The following GPC5 variants were observed in gnomAD, a reference collection of about 807,000 sequenced individuals.
GPC5 encodes glypican-5.
A neutral mutation model predicts 53.9 loss-of-function variants in GPC5; 47 were observed. That is an observed-to-expected ratio of 0.87 (90% CI 0.69 to 1.11). GPC5 has a LOEUF of 1.11. GPC5 is among the 50% of genes most tolerant of loss of function. GPC5 has a pLI of 0.00. For synonymous variants in GPC5, 286 were observed against 263.3 expected, an observed-to-expected ratio of 1.09 and a Z score of -0.84; for missense variants, 748 against 713.1, an observed-to-expected ratio of 1.05 and a Z score of -0.56.
rs111424112 is a variant in GPC5 at position 91,944,350 on chromosome 13, C to T, written c.1401+36293C>T. 2.9e-3 allele frequency among the ~76,000 whole-genome samples: 440 copies of T among 152,258 alleles called. 4 individuals carry two copies. The highest frequency in any genetic ancestry group is 0.01 in the African/African-American group (422 of 41,560). ...TGACCTCGCGATCCGCCCGCTTCAG[C>T]CTCCCAAAGTTCTGGGATTACAGGC... On this transcript the variant is annotated intron_variant, in intron 6 of 7. Transcript: ENST00000377067.
chr13:92,640,841 G>T (rs1885571927), intron 7 of GPC5, among the ~76,000 whole-genome samples: 1 of 152,082 alleles, frequency 6.6e-6, no homozygotes, highest in Non-Finnish European at 1.5e-5. Flanking sequence ...ATGATTAAAT[G>T]AAGTAGGAAA....
intron 7 of GPC5, among the ~76,000 whole-genome samples, chr13:92,633,628 T>C (rs1446385932): frequency 6.6e-6 from 1 of 152,108 alleles, no homozygotes; most frequent in African/African-American, 2.4e-5. Flanking sequence ...GTTTTTGTTA[T>C]AATACTTTTC....
chr13:91,811,896 G>A (rs1285602271), intron 5 of GPC5, among the ~76,000 whole-genome samples: 3 of 152,150 alleles, frequency 2.0e-5, no homozygotes, highest in African/African-American at 4.8e-5. Flanking sequence ...ACATCACAGC[G>A]AAGATCTAAA....
At chr13:92,210,769 G>A (rs1461349171) in intron 7 of GPC5, among the ~76,000 whole-genome samples, 1 of 152,154 alleles carries the variant, frequency 6.6e-6, no homozygotes, top group African/African-American at 2.4e-5. Context: ...CTAGAAATAA[G>A]CTTTTATTAT....
chr13:91,655,679 G>A (rs530328817), intron 2 of GPC5, among the ~76,000 whole-genome samples: 270 of 152,072 alleles, frequency 1.8e-3, no homozygotes, highest in Non-Finnish European at 3.5e-3. Context: ...ACACAATATC[G>A]ATAAGAATAT....
chr13:92,656,874 TGAGCCCAA>T (rs1470853366), intron 7 of GPC5, among the ~76,000 whole-genome samples: 5 of 152,206 alleles, frequency 3.3e-5, no homozygotes. Context: ...GAGGATGGCT[TGAGCCCAA>T]GTGTTCAACG....
intron 7 of GPC5, among the ~76,000 whole-genome samples, chr13:92,786,537 G>A (rs1018647439): frequency 6.6e-6 from 1 of 151,968 alleles, no homozygotes; most frequent in South Asian, 2.1e-4. Flanking sequence ...GGGATTTAAT[G>A]GTTAAAAATA....
rs201758453 is a variant in GPC5 at position 91,712,388 on chromosome 13, ATG to A, written c.1021-16130_1021-16129del. Among the ~76,000 whole-genome samples the A allele has an allele frequency of 3.3e-3, 493 of 150,610 alleles. 2 individuals are homozygous for A. Among genetic ancestry groups the A allele is most frequent in the African/African-American group, 0.011 (451 of 40,600 alleles). ...TGTGTATATATATGTGTGTATATAT[ATG>A]TGTGTGTGTGTGTATATATATATAA... is the stretch of plus-strand genomic sequence containing the variant. On this transcript the variant is annotated intron_variant, in intron 3 of 7. Transcript: ENST00000377067.
At chr13:92,494,469 C>T (rs1879894361) in intron 7 of GPC5, among the ~76,000 whole-genome samples, 1 of 152,130 alleles carries the variant, frequency 6.6e-6, no homozygotes, top group South Asian at 2.1e-4. Flanking sequence ...AATCATAAAA[C>T]GTGCTTTGCT....
Position 92,721,326 on chromosome 13 carries a change from G to A in GPC5, c.1562-144956G>A, listed in dbSNP as rs545619253. Among the ~76,000 whole-genome samples the A allele has an allele frequency of 9.9e-5, 15 of 152,126 alleles. 3 individuals carry two copies. Among genetic ancestry groups the A allele is most frequent in the African/African-American group, 3.6e-4 (15 of 41,534 alleles). On this transcript the variant is annotated intron_variant, in intron 7 of 7. Transcript: ENST00000377067. ...ATAATGTAAGACAATGAGGAAAAAG[G>A]TAATGTCTATTTCTAGGATTAAGGG...
intron 5 of GPC5, among the ~76,000 whole-genome samples, chr13:91,831,797 A>T (rs1372588187): frequency 6.6e-6 from 1 of 151,990 alleles, no homozygotes; most frequent in African/African-American, 2.4e-5. Context: ...CCTGAGTTCT[A>T]ATTTGATTGC....
intron 7 of GPC5, among the ~76,000 whole-genome samples, chr13:92,385,999 G>A (rs895449369): frequency 4.0e-5 from 6 of 151,762 alleles, no homozygotes; most frequent in African/African-American, 1.4e-4. Flanking sequence ...ATGTAATGAA[G>A]CATAGAATAT....
chr13:91,407,630 C>A (rs1877421218), intron 1 of GPC5, among the ~76,000 whole-genome samples: 1 of 152,074 alleles, frequency 6.6e-6, no homozygotes, highest in Non-Finnish European at 1.5e-5. Context: ...GAAAATAATT[C>A]AGCTTTTCTG....
At chr13:92,581,046 T>A (rs1265003938) in intron 7 of GPC5, among the ~76,000 whole-genome samples, 1 of 152,210 alleles carries the variant, frequency 6.6e-6, no homozygotes, top group Non-Finnish European at 1.5e-5. Flanking sequence ...ACATATATCT[T>A]ACCTCATATT....
intron 7 of GPC5, among the ~76,000 whole-genome samples, chr13:92,442,768 G>C (rs1261595677): frequency 6.6e-6 from 1 of 152,070 alleles, no homozygotes; most frequent in African/African-American, 2.4e-5. Context: ...AGGGGTTCGT[G>C]CATAAGAGTA....
At chr13:92,653,174 C>G (rs1192055095) in intron 7 of GPC5, among the ~76,000 whole-genome samples, 4 of 152,170 alleles carry the variant, frequency 2.6e-5, no homozygotes, top group Non-Finnish European at 1.5e-5. Context: ...CAGCAGGAAA[C>G]TCAGAAGGAT....
intron 2 of GPC5, among the ~76,000 whole-genome samples, chr13:91,512,155 G>A (rs942849900): frequency 7.2e-5 from 11 of 152,136 alleles, no homozygotes; most frequent in South Asian, 2.1e-4. Context: ...TTCCATCATC[G>A]CAACTCCAGA....
chr13:92,387,921 A>G lies in GPC5; in HGVS notation c.1561+242932A>G, dbSNP rs113896960. Among the ~76,000 whole-genome samples the G allele has an allele frequency of 1.9e-3, 287 of 152,280 alleles. 2 individuals are homozygous for G. The highest frequency in any genetic ancestry group is 6.4e-3 in the African/African-American group (264 of 41,572). ...AATCAGTACACAGTTGATGTAAGGCATTATTACTATTTCACTGATTAAAGG... is the reference window on the plus strand; with the variant it reads ...AATCAGTACACAGTTGATGTAAGGCGTTATTACTATTTCACTGATTAAAGG... On this transcript the variant is annotated intron_variant, in intron 7 of 7. Transcript: ENST00000377067.
At chr13:92,290,020 C>T (rs2042982454) in intron 7 of GPC5, among the ~76,000 whole-genome samples, 2 of 152,076 alleles carry the variant, frequency 1.3e-5, no homozygotes, top group South Asian at 2.1e-4. Context: ...AAAAAATATA[C>T]ACTATGCACA....
Sources: gnomAD v4.1 joint callset for allele counts (sites outside exome capture counted in the v4.1 genomes callset) on GRCh38, gnomAD v4.1.1 for gene constraint, MANE v1.5 for transcripts, NCBI Gene and HGNC (gene_info 2026-07-23, HGNC 2026-07-21) for gene names.